The following CAPZA1 variants were observed in gnomAD, a reference collection of about 807,000 sequenced individuals.
CAPZA1 encodes the protein F-actin-capping protein subunit alpha-1.
A neutral mutation model predicts 40.8 loss-of-function variants in CAPZA1; 10 were observed. The ratio of observed to expected loss-of-function variants is 0.25; its 90% CI spans 0.15 to 0.42. The LOEUF (loss-of-function observed/expected upper bound fraction) is 0.42. CAPZA1 is among the 10% of genes least tolerant of loss of function. CAPZA1 has a pLI of 1.00. For missense variants in CAPZA1, 277 were observed against 353.8 expected (o/e 0.78, Z 1.74); for synonymous variants, 98 against 115.0 (o/e 0.85, Z 0.95).
At chr1:112,636,684 A>G (rs1257115114) in intron 1 of CAPZA1, among the ~76,000 whole-genome samples, 1 of 152,004 alleles carries the variant, frequency 6.6e-6, no homozygotes, top group African/African-American at 2.4e-5. Context: ...AGTGATTCTC[A>G]AGTTAGAGGA....
intron 1 of CAPZA1, among the ~76,000 whole-genome samples, chr1:112,630,840 T>G (rs1670905408): frequency 6.6e-6 from 1 of 152,246 alleles, no homozygotes; most frequent in Non-Finnish European, 1.5e-5. Context: ...TAAATTGTTT[T>G]GTTAACAGTG....
At chr1:112,655,469 A>T (rs9662162) in intron 5 of CAPZA1, among the ~76,000 whole-genome samples, 119,198 of 151,968 alleles carry the variant, frequency 0.78, 46,985 homozygotes, top group South Asian at 0.88. Flanking sequence ...AGAGTGAGAC[A>T]CTGTCTCAAA....
chr1:112,642,083 A>G (rs1671179507), intron 1 of CAPZA1, among the ~76,000 whole-genome samples: 1 of 151,792 alleles, frequency 6.6e-6, no homozygotes, highest in East Asian at 1.9e-4. Context: ...TCAGTTTGTT[A>G]CCACATGTTG....
At chr1:112,667,652 G>C (rs1671748943) in intron 8 of CAPZA1, among the ~76,000 whole-genome samples, 1 of 152,130 alleles carries the variant, frequency 6.6e-6, no homozygotes, top group Non-Finnish European at 1.5e-5. Context: ...TCCCACCTCA[G>C]CCTCCCAAGT....
chr1:112,658,167 T>C (rs1287516647), intron 5 of CAPZA1, among the ~76,000 whole-genome samples: 1 of 152,222 alleles, frequency 6.6e-6, no homozygotes, highest in African/African-American at 2.4e-5. Flanking sequence ...TTTTGTGGAC[T>C]ATAAAGCGCT....
At chr1:112,628,464 C>A (rs1670857975) in intron 1 of CAPZA1, among the ~76,000 whole-genome samples, 1 of 152,028 alleles carries the variant, frequency 6.6e-6, no homozygotes, top group Non-Finnish European at 1.5e-5. Context: ...GAACTAAGTT[C>A]TTTTTTTCAG....
At chr1:112,621,386 G>C (rs1183247564) in intron 1 of CAPZA1, among the ~76,000 whole-genome samples, 3 of 151,824 alleles carry the variant, frequency 2.0e-5, no homozygotes, top group Non-Finnish European at 4.4e-5. Flanking sequence ...CGAGTAGCTG[G>C]GATTACAGGC....
intron 1 of CAPZA1, among the ~76,000 whole-genome samples, chr1:112,642,695 TG>T (rs760046999): frequency 2.6e-5 from 4 of 152,208 alleles, no homozygotes; most frequent in Non-Finnish European, 5.9e-5. Flanking sequence ...GTTTGCCGAA[TG>T]GGTGAATTAT....
At chr1:112,644,959 G>T (rs1460397113) in intron 1 of CAPZA1, among the ~76,000 whole-genome samples, 1 of 152,186 alleles carries the variant, frequency 6.6e-6, no homozygotes, top group Non-Finnish European at 1.5e-5. Context: ...ATTGCTCTCT[G>T]GCTAGTTGGA....
intron 8 of CAPZA1, among the ~76,000 whole-genome samples, chr1:112,667,903 C>G (rs1472691548): frequency 6.6e-6 from 1 of 152,000 alleles, no homozygotes; most frequent in Non-Finnish European, 1.5e-5. Context: ...CTCATTACTT[C>G]TTTAAGTTAT....
At chr1:112,645,334 C>T (rs185783673) in intron 1 of CAPZA1, among the ~76,000 whole-genome samples, 10 of 152,228 alleles carry the variant, frequency 6.6e-5, no homozygotes, top group Admixed American at 3.9e-4. Flanking sequence ...ACTTTAAAAT[C>T]GGTAGTTATA....
Position 112,659,045 on chromosome 1 carries a change from G to A in CAPZA1, c.450G>A (p.Gly150=), listed in dbSNP as rs752477725. The change falls in exon 6 of 10, where the codon GGG becomes GGA. Residue 150 remains glycine, a synonymous_variant. Transcript: ENST00000263168. The part of the protein sequence containing the change: ...FCTVYAKTID[G]QQTIIACIES... ...AGGTTTATGCTAAAACTATCGATGG[G>A]CAACAGACTATTATTGCATGTATTG... 18 of 1,613,182 alleles carry A rather than the reference G, an allele frequency of 1.1e-5. No homozygotes were observed. The highest frequency in any genetic ancestry group is 1.5e-5 in the Non-Finnish European group (18 of 1,179,466).
rs1230486439 is a variant in CAPZA1 at position 112,654,539 on chromosome 1, T to C, written c.294T>C (p.Phe98=). The change falls in exon 5 of 10, where the codon TTT becomes TTC. Residue 98 remains phenylalanine (F), a synonymous_variant. Transcript: ENST00000263168. The stretch of plus-strand genomic sequence containing the variant: ...CAAGAAACAAAATTTCCTTTAAATT[T>C]GACCACTTACGGAAAGAAGCAAGTG... ...LDPRNKISFK[F]DHLRKEASDP... is the part of the protein sequence containing the mutation. The C allele has an allele frequency of 1.4e-5, 22 of 1,613,998 alleles. No homozygotes were observed. Among genetic ancestry groups the C allele is most frequent in the Non-Finnish European group, 1.8e-5 (21 of 1,179,982 alleles).
chr1:112,654,683 G>A lies in CAPZA1; in HGVS notation c.426+12G>A. The A allele has an allele frequency of 6.4e-7, 1 of 1,552,776 alleles. No homozygotes were observed. Among genetic ancestry groups the A allele is most frequent in the Middle Eastern group, 1.7e-4 (1 of 5,800 alleles). On this transcript the variant is annotated intron_variant, in intron 5 of 9. Coordinates refer to ENST00000263168, the MANE Select transcript of CAPZA1 (RefSeq NM_006135.3). ...ACGGCTTCTGTACTGTTAAGTATCTGACTGCTTCGTTATCAGAGAGTGTTT... is the reference window on the plus strand; with the variant it reads ...ACGGCTTCTGTACTGTTAAGTATCTAACTGCTTCGTTATCAGAGAGTGTTT...
At chr1:112,653,783 G>A in intron 4 of CAPZA1, 122 bp downstream of exon 4, 2 of 706,586 alleles carry the variant, frequency 2.8e-6, no homozygotes, top group South Asian at 3.7e-5. Flanking sequence ...TAGTTTTTGT[G>A]TGTACTGTAC....
chr1:112,653,866 A>G (rs1052029007), intron 4 of CAPZA1, among the ~76,000 whole-genome samples: 2 of 152,224 alleles, frequency 1.3e-5, no homozygotes, highest in African/African-American at 4.8e-5. Flanking sequence ...GCCTCTTAAC[A>G]AGAACAGTGA....
At position 112,642,063 on chromosome 1, in the gene CAPZA1, ACTC is replaced by A. The variant is rs376318007; in HGVS notation, c.40-5144_40-5142del. 1.5e-4 allele frequency among the ~76,000 whole-genome samples: 23 copies of A among 151,728 alleles called. No homozygotes were observed. The East Asian group carries it at 4.3e-3, about 28-fold the overall frequency. On this transcript the variant is annotated intron_variant, in intron 1 of 9. Transcript: ENST00000263168. ...GTTTTACATTTTGCAAGTCTTGTAA[ACTC>A]CTGCGTTCAGTTTGTTACCACATGT...
At chr1:112,646,960 A>G (rs1671291903) in intron 1 of CAPZA1, among the ~76,000 whole-genome samples, 1 of 152,172 alleles carries the variant, frequency 6.6e-6, no homozygotes, top group African/African-American at 2.4e-5. Context: ...AAAAACTATT[A>G]TCCTGTTTTT....
chr1:112,636,706 TC>T (rs1260573210), intron 1 of CAPZA1, among the ~76,000 whole-genome samples: 1 of 152,080 alleles, frequency 6.6e-6, no homozygotes, highest in African/African-American at 2.4e-5. Flanking sequence ...CTGACATACC[TC>T]CCCTTTATGG....
Sources: allele counts gnomAD v4.1 joint callset (sites outside exome capture counted in the v4.1 genomes callset), GRCh38; gene constraint gnomAD v4.1.1; transcripts MANE v1.5; gene names NCBI Gene and HGNC (gene_info 2026-07-23, HGNC 2026-07-21).